CHCHD3: variants seen among roughly 807,000 people sequenced by gnomAD.
CHCHD3 encodes the protein MICOS complex subunit MIC19.
CHCHD3 carries 20 observed loss-of-function variants against 38.2 expected under a neutral mutation model. The ratio of observed to expected loss-of-function variants is 0.52; its 90% CI spans 0.37 to 0.76. The LOEUF (loss-of-function observed/expected upper bound fraction) is 0.76, where lower values mean the gene tolerates loss of function less well. Among genes scored for constraint, CHCHD3 ranks in the 30% least tolerant of loss-of-function variants. The pLI is 0.00. For synonymous variants in CHCHD3, 82 were observed against 100.0 expected (o/e 0.82, Z 1.07); for missense variants, 245 against 279.2 (o/e 0.88, Z 0.87).
chr7:132,800,434 A>G (rs1806761480), intron 6 of CHCHD3, among the ~76,000 whole-genome samples: 1 of 152,148 alleles, frequency 6.6e-6, no homozygotes, highest in Non-Finnish European at 1.5e-5. Flanking sequence ...TGCTGCCTCT[A>G]TTTTCAAGTC....
At chr7:132,992,184 C>CCAG (rs1272827643) in intron 3 of CHCHD3, among the ~76,000 whole-genome samples, 1 of 152,172 alleles carries the variant, frequency 6.6e-6, no homozygotes, top group Admixed American at 6.5e-5. Context: ...TCACTGCTTC[C>CCAG]CAGCAGCAGC....
chr7:133,006,421 C>G (rs1337747578), intron 3 of CHCHD3, among the ~76,000 whole-genome samples: 1 of 151,970 alleles, frequency 6.6e-6, no homozygotes, highest in Non-Finnish European at 1.5e-5. Context: ...GAGCTGAGAT[C>G]GCGCCGCTGC....
chr7:132,920,644 T>A (rs1460617850), intron 4 of CHCHD3, among the ~76,000 whole-genome samples: 1 of 152,206 alleles, frequency 6.6e-6, no homozygotes, highest in Non-Finnish European at 1.5e-5. Context: ...GCTGACAGAA[T>A]GCTTTTGTGT....
chr7:132,855,195 T>C (rs1305903461), intron 5 of CHCHD3, among the ~76,000 whole-genome samples: 1 of 152,186 alleles, frequency 6.6e-6, no homozygotes, highest in Non-Finnish European at 1.5e-5. Context: ...GTTCTTTCAG[T>C]ACAAAGCAGT....
chr7:133,015,596 T>C (rs1336833128), intron 3 of CHCHD3, among the ~76,000 whole-genome samples: 2 of 152,144 alleles, frequency 1.3e-5, no homozygotes, highest in Non-Finnish European at 2.9e-5. Flanking sequence ...CAAGTAACTG[T>C]TTGATACTTC....
At chr7:132,791,213 C>T (rs1806451290) in intron 7 of CHCHD3, among the ~76,000 whole-genome samples, 1 of 152,170 alleles carries the variant, frequency 6.6e-6, no homozygotes, top group Non-Finnish European at 1.5e-5. Flanking sequence ...ATCAGAATCT[C>T]CAGGGATGGG....
intron 2 of CHCHD3, among the ~76,000 whole-genome samples, chr7:133,065,822 C>T (rs1430709961): frequency 6.6e-6 from 1 of 152,114 alleles, no homozygotes; most frequent in Non-Finnish European, 1.5e-5. Context: ...TTAATTTACA[C>T]ATAGTTGAAT....
intron 1 of CHCHD3, among the ~76,000 whole-genome samples, chr7:133,080,453 T>G (rs1401989117): frequency 6.6e-6 from 1 of 152,220 alleles, no homozygotes; most frequent in African/African-American, 2.4e-5. Flanking sequence ...GAATATGGAT[T>G]TATACATTTT....
rs377651271 is a variant in CHCHD3 at position 132,885,651 on chromosome 7, A to G, written c.453+11T>C. ...TGTGGTAATAGAATCAATGATAAAA[A>G]ATAGTCATACCCTCTCCTCCAGTCT... On this transcript the variant is annotated intron_variant, in intron 5 of 7. Coordinates refer to ENST00000262570, the MANE Select transcript of CHCHD3 (RefSeq NM_017812.4). The G allele has an allele frequency of 3.4e-5, 54 of 1,583,024 alleles. No individual in the cohort carries two copies. In the African/African-American group the frequency reaches 7.2e-4, roughly 21 times the overall value.
intron 6 of CHCHD3, among the ~76,000 whole-genome samples, chr7:132,797,882 T>C (rs1306424885): frequency 1.3e-5 from 2 of 152,198 alleles, no homozygotes; most frequent in African/African-American, 4.8e-5. Context: ...AAGCACAATA[T>C]TACTACTTTT....
At chr7:133,073,717 C>G (rs1017938970) in intron 1 of CHCHD3, among the ~76,000 whole-genome samples, 1 of 152,182 alleles carries the variant, frequency 6.6e-6, no homozygotes, top group South Asian at 2.1e-4. Flanking sequence ...CCTGTACCAT[C>G]CGCTTAAAAT....
At position 132,985,094 on chromosome 7, in the gene CHCHD3, G is replaced by A. The variant is rs1316374197; in HGVS notation, c.252-9808C>T. ...AGGTGGGGGGGTTAGCCCCCCGTCC[G>A]GCCAGCCGCCCCATCCGGGAGGTGA... On this transcript the variant is annotated intron_variant, in intron 3 of 7. Coordinates refer to ENST00000262570, the MANE Select transcript of CHCHD3 (RefSeq NM_017812.4). 1.7e-4 allele frequency among the ~76,000 whole-genome samples: 16 copies of A among 93,068 alleles called. 4 individuals carry two copies. The highest frequency in any genetic ancestry group is 7.1e-4 in the South Asian group (2 of 2,830). 61.1% of individuals were successfully genotyped at this position (93,068 alleles called of 152,430 possible).
chr7:132,867,279 A>G (rs1443079694), intron 5 of CHCHD3, among the ~76,000 whole-genome samples: 1 of 152,202 alleles, frequency 6.6e-6, no homozygotes, highest in Non-Finnish European at 1.5e-5. Context: ...ATAAAAAGAC[A>G]TTTGGCAAAA....
At chr7:133,072,442 T>C (rs1049287685) in intron 1 of CHCHD3, among the ~76,000 whole-genome samples, 1 of 152,076 alleles carries the variant, frequency 6.6e-6, no homozygotes, top group Non-Finnish European at 1.5e-5. Flanking sequence ...CTCTATTTTA[T>C]AGGTGAAAAA....
At chr7:132,881,206 T>A (rs1809045898) in intron 5 of CHCHD3, among the ~76,000 whole-genome samples, 1 of 152,178 alleles carries the variant, frequency 6.6e-6, no homozygotes, top group Non-Finnish European at 1.5e-5. Flanking sequence ...CCTAACAAGT[T>A]AGTGAAAGAA....
At chr7:132,983,016 A>T (rs895574853) in intron 3 of CHCHD3, among the ~76,000 whole-genome samples, 5 of 152,146 alleles carry the variant, frequency 3.3e-5, no homozygotes, top group Non-Finnish European at 5.9e-5. Flanking sequence ...AATATATACG[A>T]ATCTATTATT....
At chr7:132,972,605 C>T in intron 4 of CHCHD3, 1 of 985,306 alleles carries the variant, frequency 1.0e-6, no homozygotes. Context: ...GGGAACTGCC[C>T]AATAACTAAA....
intron 4 of CHCHD3, chr7:132,973,363 G>C: frequency 1.0e-6 from 1 of 985,388 alleles, no homozygotes; most frequent in Non-Finnish European, 1.2e-6. Context: ...AATATACATA[G>C]AAATGACTTT....
At chr7:132,879,916 CTT>C (rs1214077645) in intron 5 of CHCHD3, among the ~76,000 whole-genome samples, 2 of 151,928 alleles carry the variant, frequency 1.3e-5, no homozygotes, top group Non-Finnish European at 2.9e-5. Flanking sequence ...TAAAATAACT[CTT>C]AGGGGTATCA....
Sources: allele counts gnomAD v4.1 joint callset (sites outside exome capture counted in the v4.1 genomes callset), GRCh38; gene constraint gnomAD v4.1.1; transcripts MANE v1.5; gene names NCBI Gene and HGNC (gene_info 2026-07-23, HGNC 2026-07-21).